Variants in DUSP10 observed in about 807,000 individuals in gnomAD.
The protein encoded by DUSP10 is dual specificity phosphatase 10.
Under a neutral mutation model 30.8 loss-of-function variants are expected in DUSP10, and 14 were observed. The ratio of observed to expected loss-of-function variants is 0.46; its 90% CI spans 0.30 to 0.71. DUSP10 has a LOEUF of 0.71. DUSP10 is among the 30% of genes least tolerant of loss of function. The pLI, the probability that DUSP10 is intolerant of heterozygous loss-of-function variation, is 0.08. For synonymous variants in DUSP10, 254 were observed against 250.4 expected (o/e 1.01, Z -0.14); for missense variants, 550 against 619.4 (o/e 0.89, Z 1.19).
At position 221,702,563 on chromosome 1, in the gene DUSP10, T is replaced by G; in HGVS notation, c.1298A>C (p.Asp433Ala). The G allele has an allele frequency of 6.2e-7, 1 of 1,614,116 alleles. No individual in the cohort carries two copies. Among genetic ancestry groups the G allele is most frequent in the Non-Finnish European group, 8.5e-7 (1 of 1,180,026 alleles). The change falls in exon 4 of 4, where the codon GAT becomes GCT. Residue 433 changes from aspartate to alanine, a missense_variant. By Grantham distance (126) the Asp-to-Ala change is moderately radical (BLOSUM62 -2). Transcript: ENST00000366899. This position sits in a 1 kb window ranked among gnomAD's most constrained non-coding sequence, Gnocchi z 4.5. ...LMKHTRMTMT[D>A]AYKFVKGKRP... is the part of the protein sequence containing the mutation. ...TTTGCCTTTGACAAATTTATAAGCA[T>G]CAGTCATGGTCATCCGAGTGTGCTT... is the stretch of plus-strand genomic sequence containing the variant.
intron 3 of DUSP10, among the ~76,000 whole-genome samples, chr1:221,705,111 G>GGT (rs59522738): frequency 0.12 from 17,702 of 141,940 alleles, 1,484 homozygotes; most frequent in African/African-American, 0.25. Context: ...TATTTTGAGT[G>GGT]TTTTTTTTTT....
chr1:221,741,454 C>T (rs940779676), intron 1 of DUSP10, among the ~76,000 whole-genome samples: 1 of 152,016 alleles, frequency 6.6e-6, no homozygotes, highest in Non-Finnish European at 1.5e-5. Context: ...GACCTGCATC[C>T]CTGCAGCAGA....
chr1:221,726,722 CT>C (rs1288219358), intron 2 of DUSP10, among the ~76,000 whole-genome samples: 1 of 149,888 alleles, frequency 6.7e-6, no homozygotes, highest in Non-Finnish European at 1.5e-5. Flanking sequence ...AAAAAAAACC[CT>C]ATGTAGTTAT....
At position 221,702,823 on chromosome 1, in the gene DUSP10, G is replaced by A; in HGVS notation, c.1184-146C>T. 2.4e-6 allele frequency: 2 copies of A among 819,362 alleles called. No individual in the cohort carries two copies. Among genetic ancestry groups the A allele is most frequent in the South Asian group, 3.7e-5 (2 of 54,338 alleles). 50.8% of individuals were successfully genotyped at this position (819,362 alleles called of 1,614,324 possible). On this transcript the variant is annotated intron_variant, in intron 3 of 3. Transcript: ENST00000366899. This position sits in a 1 kb window ranked among gnomAD's most constrained non-coding sequence, Gnocchi z 4.5. Reference sequence around the variant, plus strand: ...TTTTAAAGCCAAGTATAATCCACTAGTTCATTACGTATACTTATGTCACAA... The same window carrying A: ...TTTTAAAGCCAAGTATAATCCACTAATTCATTACGTATACTTATGTCACAA...
intron 1 of DUSP10, 80 bp from the exon 2 acceptor site, chr1:221,739,867 C>T (rs910358989): frequency 1.7e-5 from 23 of 1,385,854 alleles, no homozygotes; most frequent in African/African-American, 2.9e-5. Flanking sequence ...CTGGGAAAGA[C>T]CTTTGCATCC....
At chr1:221,712,324 G>A (rs1323175330) in intron 2 of DUSP10, among the ~76,000 whole-genome samples, 1 of 152,136 alleles carries the variant, frequency 6.6e-6, no homozygotes, top group Non-Finnish European at 1.5e-5. Context: ...TGGGAGTGCT[G>A]TCTCACTAGG....
rs565835596 is a variant in DUSP10, at chr1:221,726,713, A to AC, written c.811+12220_811+12221insG. On this transcript the variant is annotated intron_variant, in intron 2 of 3. Transcript: ENST00000366899. ...CAGCACTATTTCAGGAAAAAAAAAAAAAAAAACCCTATGTAGTTATCTATC... is the reference window on the plus strand; with the variant it reads ...CAGCACTATTTCAGGAAAAAAAAAAACAAAAAACCCTATGTAGTTATCTATC... Among the ~76,000 whole-genome samples, 89 of 151,968 alleles carry AC rather than the reference A, an allele frequency of 5.9e-4. No individual in the cohort carries two copies. In the South Asian group the frequency reaches 0.016, roughly 27 times the overall value.
Position 221,739,434 on chromosome 1 carries a change from G to C in DUSP10, c.311C>G (p.Thr104Ser), listed in dbSNP as rs747461757. Residue 104 changes from threonine to serine, a missense_variant, in exon 2 of 4, where the codon ACT becomes AGT. Physicochemically the swap from Thr to Ser is moderately conservative, Grantham distance 58. Coordinates refer to ENST00000366899, the MANE Select transcript of DUSP10 (RefSeq NM_007207.6). Reference sequence around the variant, plus strand: ...GCAGGTGGTAGAGGTTCCGATGGCAGTGGTGGTGGTGCCAGCGGCAATGGC... The same window carrying C: ...GCAGGTGGTAGAGGTTCCGATGGCACTGGTGGTGGTGCCAGCGGCAATGGC... ...TQAIAAGTTTTAIGTSTTCPA... is the reference protein window; with the variant it reads ...TQAIAAGTTTSAIGTSTTCPA... 1 of 1,614,190 alleles carries C rather than the reference G, an allele frequency of 6.2e-7. No homozygotes were observed. The highest frequency in any genetic ancestry group is 8.5e-7 in the Non-Finnish European group (1 of 1,180,018).
chr1:221,731,821 A>T (rs1242270517), intron 2 of DUSP10, among the ~76,000 whole-genome samples: 2 of 151,784 alleles, frequency 1.3e-5, no homozygotes, highest in East Asian at 1.9e-4. Flanking sequence ...GTTGGCCAGG[A>T]TGGTCTCAAT....
intron 2 of DUSP10, among the ~76,000 whole-genome samples, chr1:221,711,992 CA>C (rs1336164772): frequency 8.5e-5 from 13 of 152,266 alleles, no homozygotes; most frequent in Middle Eastern, 3.4e-3. Context: ...TCATAAGTTT[CA>C]GGGCAGAATA....
chr1:221,727,101 T>C (rs976233851), intron 2 of DUSP10, among the ~76,000 whole-genome samples: 4 of 152,220 alleles, frequency 2.6e-5, no homozygotes, highest in African/African-American at 9.6e-5. Flanking sequence ...ATTATAATAA[T>C]TGGCAAAATC....
intron 1 of DUSP10, among the ~76,000 whole-genome samples, chr1:221,741,734 A>C (rs1378599686): frequency 6.6e-6 from 1 of 151,988 alleles, no homozygotes; most frequent in Non-Finnish European, 1.5e-5. Context: ...CTTCGCCCCA[A>C]ATCCAAGTAG....
intron 2 of DUSP10, among the ~76,000 whole-genome samples, chr1:221,712,777 C>CAAAAAAAAAGAAAAAAAAA (rs1660978203): frequency 1.8e-5 from 1 of 56,950 alleles, no homozygotes; most frequent in Non-Finnish European, 3.1e-5. Flanking sequence ...TATAAAGCAG[C>CAAAAAAAAAGAAAAAAAAA]AAAAAAAAAA....
Position 221,702,432 on chromosome 1 carries a change from C to A in DUSP10, c.1429G>T (p.Gly477Cys). Residue 477 changes from glycine to cysteine, a missense_variant, in exon 4 of 4, where the codon GGC (glycine) becomes TGC (cysteine). Physicochemically the swap from Gly to Cys is radical, Grantham distance 159. Transcript: ENST00000366899. The surrounding 1 kb of genome is among the most constrained non-coding windows in gnomAD (Gnocchi z 4.5). ...CATTGTCACACAACCGTCTCCACGC[C>A]CATCAGCTTTGGTGTAAGGATTCTC... ...TPRILTPKLM[G>C]VETVV 1 of 1,614,030 alleles carries A rather than the reference C, an allele frequency of 6.2e-7. No individual in the cohort carries two copies. The highest frequency in any genetic ancestry group is 8.5e-7 in the Non-Finnish European group (1 of 1,179,998).
At chr1:221,732,169 G>A (rs975750063) in intron 2 of DUSP10, among the ~76,000 whole-genome samples, 1 of 152,190 alleles carries the variant, frequency 6.6e-6, no homozygotes, top group East Asian at 1.9e-4. Context: ...CACACCAAAG[G>A]CATTCAACAA....
intron 2 of DUSP10, among the ~76,000 whole-genome samples, chr1:221,736,628 G>C (rs1217340383): frequency 6.6e-6 from 1 of 152,206 alleles, no homozygotes; most frequent in Non-Finnish European, 1.5e-5. Context: ...GGTTTACCAA[G>C]TTGAAAGGAT....
chr1:221,709,865 A>C (rs1660882776), intron 2 of DUSP10, among the ~76,000 whole-genome samples: 1 of 152,206 alleles, frequency 6.6e-6, no homozygotes, highest in Admixed American at 6.5e-5. Context: ...AAAGTGACTG[A>C]TCACTTAATG....
At chr1:221,711,112 G>C (rs987261897) in intron 2 of DUSP10, among the ~76,000 whole-genome samples, 1 of 152,114 alleles carries the variant, frequency 6.6e-6, no homozygotes, top group Non-Finnish European at 1.5e-5. Context: ...TCTAACACAC[G>C]GTCAGTTCAG....
intron 2 of DUSP10, among the ~76,000 whole-genome samples, chr1:221,711,078 T>A (rs1187672030): frequency 6.6e-6 from 1 of 152,154 alleles, no homozygotes; most frequent in African/African-American, 2.4e-5. Flanking sequence ...GAACTATATG[T>A]GGAAATACTG....
Sources: gnomAD v4.1 joint callset for allele counts (sites outside exome capture counted in the v4.1 genomes callset) on GRCh38, gnomAD v4.1.1 for gene constraint, Gnocchi (gnomAD v3.1) non-coding constraint, MANE v1.5 for transcripts, NCBI Gene and HGNC (gene_info 2026-07-23, HGNC 2026-07-21) for gene names.